Variants in MSRA observed in about 807,000 individuals in gnomAD.
MSRA encodes methionine sulfoxide reductase A.
A neutral mutation model predicts 31.3 loss-of-function variants in MSRA; 54 were observed. The observed-to-expected ratio is 1.73, with a 90% CI of 1.39 to 2.17. The LOEUF (loss-of-function observed/expected upper bound fraction) is 2.17, where lower values mean the gene tolerates loss of function less well. Among genes scored for constraint, MSRA ranks in the 30% most tolerant of loss-of-function variants. The pLI is 0.00. For missense variants in MSRA, 507 were observed against 300.9 expected, an observed-to-expected ratio of 1.69 and a Z score of -5.07; for synonymous variants, 169 against 116.5, an observed-to-expected ratio of 1.45 and a Z score of -2.90.
chr8:10,357,900 T>G (rs112232230), intron 5 of MSRA, among the ~76,000 whole-genome samples: 1,540 of 152,316 alleles, frequency 0.01, 26 homozygotes, highest in African/African-American at 0.035. Flanking sequence ...TGCATTTGTA[T>G]CTCCTTTCTT....
chr8:10,279,261 T>C (rs989415278), intron 3 of MSRA, among the ~76,000 whole-genome samples: 1 of 152,188 alleles, frequency 6.6e-6, no homozygotes, highest in Non-Finnish European at 1.5e-5. Context: ...AGCATAACTT[T>C]GTTAAGGAAA....
At chr8:10,253,759 G>A (rs919358152) in intron 3 of MSRA, among the ~76,000 whole-genome samples, 3 of 152,128 alleles carry the variant, frequency 2.0e-5, no homozygotes, top group African/African-American at 7.2e-5. Flanking sequence ...GGGTCAGGGG[G>A]TTGAGCTTCT....
At chr8:10,230,928 G>C (rs1206804241) in intron 2 of MSRA, among the ~76,000 whole-genome samples, 1 of 152,176 alleles carries the variant, frequency 6.6e-6, no homozygotes, top group African/African-American at 2.4e-5. Context: ...GGGATTACCA[G>C]TATGTGCCAC....
At chr8:10,416,230 T>A (rs1808451155) in intron 5 of MSRA, among the ~76,000 whole-genome samples, 1 of 152,202 alleles carries the variant, frequency 6.6e-6, no homozygotes, top group Admixed American at 6.5e-5. Flanking sequence ...CCTAGCCCGG[T>A]CCTTGACACA....
chr8:10,300,576 A>G (rs1800789227), intron 3 of MSRA, among the ~76,000 whole-genome samples: 1 of 152,066 alleles, frequency 6.6e-6, no homozygotes, highest in East Asian at 1.9e-4. Flanking sequence ...TTCAGTAGAG[A>G]TGGGGTTTCA....
chr8:10,099,645 T>C (rs1019242527), intron 1 of MSRA, among the ~76,000 whole-genome samples: 2 of 152,224 alleles, frequency 1.3e-5, no homozygotes, highest in African/African-American at 4.8e-5. Flanking sequence ...CCTTCATGGA[T>C]AGAAAAACAA....
chr8:10,188,648 T>G (rs1807256405), intron 1 of MSRA, among the ~76,000 whole-genome samples: 1 of 152,162 alleles, frequency 6.6e-6, no homozygotes, highest in Non-Finnish European at 1.5e-5. Context: ...TCCAGCACCA[T>G]TTGCTGAAAA....
At chr8:10,173,722 C>G (rs1008711794) in intron 1 of MSRA, among the ~76,000 whole-genome samples, 2 of 152,224 alleles carry the variant, frequency 1.3e-5, no homozygotes, top group African/African-American at 4.8e-5. Context: ...ACTCAATCTG[C>G]AGCCCCTTCT....
At chr8:10,369,566 A>G (rs1805364677) in intron 5 of MSRA, among the ~76,000 whole-genome samples, 1 of 152,146 alleles carries the variant, frequency 6.6e-6, no homozygotes. Context: ...ATGCATTAAA[A>G]CTCCCATCAG....
chr8:10,200,845 A>G (rs1393446887), intron 1 of MSRA, among the ~76,000 whole-genome samples: 1 of 152,108 alleles, frequency 6.6e-6, no homozygotes, highest in Non-Finnish European at 1.5e-5. Context: ...CCTCTCTCAG[A>G]GCCCCTGCCC....
intron 3 of MSRA, among the ~76,000 whole-genome samples, chr8:10,294,279 A>G (rs988845049): frequency 1.3e-5 from 2 of 152,200 alleles, no homozygotes; most frequent in African/African-American, 4.8e-5. Context: ...GACCAAGGAC[A>G]TTGGGAACCA....
intron 3 of MSRA, among the ~76,000 whole-genome samples, chr8:10,262,815 A>T (rs1397884237): frequency 3.9e-5 from 6 of 152,172 alleles, no homozygotes; most frequent in African/African-American, 1.4e-4. Flanking sequence ...GTCAGGTTGG[A>T]CTGTTGCATG....
At chr8:10,121,342 C>G (rs559188388) in intron 1 of MSRA, among the ~76,000 whole-genome samples, 1 of 152,096 alleles carries the variant, frequency 6.6e-6, no homozygotes. Flanking sequence ...CAGCACTGAC[C>G]GTGCATCCAC....
At chr8:10,256,602 T>TGTGG (rs1216322635) in intron 3 of MSRA, among the ~76,000 whole-genome samples, 7 of 152,090 alleles carry the variant, frequency 4.6e-5, no homozygotes, top group African/African-American at 7.2e-5. Flanking sequence ...AACTTACTTT[T>TGTGG]CTTTTCTGAG....
Position 10,381,547 on chromosome 8 carries a change from G to C in MSRA, c.544-46601G>C, listed in dbSNP as rs150285900. 3.8e-3 allele frequency among the ~76,000 whole-genome samples: 580 copies of C among 152,308 alleles called. 9 individuals carry two copies. Among genetic ancestry groups the C allele is most frequent in the African/African-American group, 0.013 (558 of 41,552 alleles). ...AGTTTCCATCACCCTTCACAATGGA[G>C]TCAAATCCATCTGCTGTCCTGGAGA... On this transcript the variant is annotated intron_variant, in intron 5 of 5. Coordinates refer to ENST00000317173, the MANE Select transcript of MSRA (RefSeq NM_012331.5).
chr8:10,162,751 T>A (rs76261646), intron 1 of MSRA, among the ~76,000 whole-genome samples: 3,265 of 152,280 alleles, frequency 0.021, 105 homozygotes, highest in African/African-American at 0.074. Context: ...TATGATTCCC[T>A]AAGAGGTAGG....
chr8:10,213,015 A>G (rs145183272), intron 2 of MSRA, among the ~76,000 whole-genome samples: 1 of 152,100 alleles, frequency 6.6e-6, no homozygotes. Context: ...GTCCCCTCAA[A>G]CATTTATCCT....
intron 3 of MSRA, among the ~76,000 whole-genome samples, chr8:10,282,238 C>T (rs1415025379): frequency 1.3e-5 from 2 of 152,172 alleles, no homozygotes; most frequent in Non-Finnish European, 2.9e-5. Context: ...AAGGTAGGAT[C>T]GTCCATAATT....
Position 10,316,823 on chromosome 8 carries a change from A to G in MSRA, c.437-3060A>G, listed in dbSNP as rs146750490. On this transcript the variant is annotated intron_variant, in intron 4 of 5. Coordinates refer to ENST00000317173, the MANE Select transcript of MSRA (RefSeq NM_012331.5). ...AGTGCCATCTTTCACTGTGAAGGAT[A>G]GAGGCTCATCCACCTAGGGGAGGAC... Among the ~76,000 whole-genome samples, 7 of 152,284 alleles carry G rather than the reference A, an allele frequency of 4.6e-5. No individual in the cohort carries two copies. The East Asian group carries it at 1.4e-3, about 29-fold the overall frequency.
Sources: allele counts gnomAD v4.1 joint callset (sites outside exome capture counted in the v4.1 genomes callset), GRCh38; gene constraint gnomAD v4.1.1; transcripts MANE v1.5; gene names NCBI Gene and HGNC (gene_info 2026-07-23, HGNC 2026-07-21).